The following CCDC102B variants were observed in gnomAD, a reference collection of about 807,000 sequenced individuals.
CCDC102B encodes coiled-coil domain-containing protein 102B.
A neutral mutation model predicts 57.4 loss-of-function variants in CCDC102B; 75 were observed. The observed-to-expected ratio is 1.31, with a 90% CI of 1.08 to 1.58. The LOEUF is 1.58. Ranked by LOEUF, CCDC102B falls within the 40% of genes most tolerant of loss-of-function variation. The pLI is 0.00. For missense variants in CCDC102B, 636 were observed against 582.6 expected, an observed-to-expected ratio of 1.09 and a Z score of -0.94; for synonymous variants, 206 against 201.9, an observed-to-expected ratio of 1.02 and a Z score of -0.17.
At chr18:69,017,101 A>T (rs2051690335) in intron 7 of CCDC102B, among the ~76,000 whole-genome samples, 1 of 151,842 alleles carries the variant, frequency 6.6e-6, no homozygotes, top group South Asian at 2.1e-4. Context: ...TTCTTTTTTA[A>T]TTAATTATTT....
chr18:68,962,628 C>T (rs2050073288), intron 6 of CCDC102B, among the ~76,000 whole-genome samples: 1 of 151,418 alleles, frequency 6.6e-6, no homozygotes. Context: ...TAGTAGCAAC[C>T]AAGAAAAGCA....
upstream of CCDC102B, among the ~76,000 whole-genome samples, chr18:68,793,589 ATATC>A (rs2035534366): frequency 8.0e-6 from 1 of 125,692 alleles, no homozygotes; most frequent in Non-Finnish European, 1.8e-5. Context: ...TGTTCATAGA[ATATC>A]CATCCATCCA....
rs147107858 is a variant in CCDC102B at position 68,849,470 on chromosome 18, T to A, written c.936+3049T>A. On this transcript the variant is annotated intron_variant, in intron 4 of 7. Transcript: ENST00000360242. ...GATCTCACATCATTCTTTCCATCCT[T>A]GCTACTTCCCCGGACAGGGCCACTA... Among the ~76,000 whole-genome samples the A allele has an allele frequency of 5.0e-4, 76 of 152,232 alleles. No individual in the cohort carries two copies. The East Asian group carries it at 0.014, about 29-fold the overall frequency.
chr18:68,896,637 A>G (rs981118498), intron 5 of CCDC102B, among the ~76,000 whole-genome samples: 2 of 152,130 alleles, frequency 1.3e-5, no homozygotes, highest in Admixed American at 6.6e-5. Flanking sequence ...ATTTTATATA[A>G]TTTAATGTTG....
At chr18:68,813,203 GTCTC>G (rs2036338628) in intron 1 of CCDC102B, among the ~76,000 whole-genome samples, 2 of 151,722 alleles carry the variant, frequency 1.3e-5, no homozygotes, top group South Asian at 4.2e-4. Context: ...CTCTCTCTCT[GTCTC>G]TCTCCTGTTT....
At chr18:68,830,629 G>C in intron 1 of CCDC102B, among the ~76,000 whole-genome samples, 1 of 150,960 alleles carries the variant, frequency 6.6e-6, no homozygotes, top group African/African-American at 2.4e-5. Context: ...ATATAATATT[G>C]TATATTATGT....
chr18:68,811,735 G>A (rs73458021), intron 1 of CCDC102B, among the ~76,000 whole-genome samples: 1 of 152,154 alleles, frequency 6.6e-6, no homozygotes, highest in Non-Finnish European at 1.5e-5. Context: ...AAGGAAGAAG[G>A]CTTTCTGGAA....
chr18:69,056,807 A>T (rs140347357), downstream of CCDC102B, among the ~76,000 whole-genome samples: 62 of 152,160 alleles, frequency 4.1e-4, no homozygotes, highest in African/African-American at 1.5e-3. Flanking sequence ...TTCTAAGTGT[A>T]CAGGTCAGTA....
chr18:68,901,490 CAAGAAGG>C (rs1300545641), intron 6 of CCDC102B, among the ~76,000 whole-genome samples: 3 of 151,802 alleles, frequency 2.0e-5, no homozygotes, highest in African/African-American at 7.3e-5. Flanking sequence ...GAAGGGGGGC[CAAGAAGG>C]AAAATGTGAC....
At chr18:68,933,842 A>C (rs117957665) in intron 6 of CCDC102B, among the ~76,000 whole-genome samples, 7,182 of 152,014 alleles carry the variant, frequency 0.047, 250 homozygotes, top group Middle Eastern at 0.095. Flanking sequence ...ACTAAAGAAC[A>C]TATACAAAAA....
chr18:69,011,000 C>CGA lies in CCDC102B; in HGVS notation c.1330_1331insGA (p.Leu444ArgfsTer2), dbSNP rs756931642. On this transcript the variant is annotated frameshift_variant, in exon 7 of 8. Transcript: ENST00000360242. LOFTEE classifies it high-confidence loss of function. ...ACAATACCAGGCAAATATTGCAGAA[C>CGA]TGACTCATGCAAACAACCGAGTGGA... 6.8e-6 allele frequency: 11 copies of CGA among 1,613,672 alleles called. No individual in the cohort carries two copies. The highest frequency in any genetic ancestry group is 5.0e-5 in the Admixed American group (3 of 60,000).
chr18:68,851,172 G>T (rs913843413), intron 4 of CCDC102B, among the ~76,000 whole-genome samples: 1 of 152,152 alleles, frequency 6.6e-6, no homozygotes, highest in Non-Finnish European at 1.5e-5. Flanking sequence ...AGCTATAAAT[G>T]CTTACCTTTC....
At chr18:68,877,877 GTTC>G (rs2039511642) in intron 5 of CCDC102B, among the ~76,000 whole-genome samples, 1 of 152,186 alleles carries the variant, frequency 6.6e-6, no homozygotes, top group African/African-American at 2.4e-5. Flanking sequence ...AGGTGGTGGA[GTTC>G]TTAACTTCAT....
At chr18:68,755,208 A>C (rs2034003662) in intron 2 of CCDC102B, among the ~76,000 whole-genome samples, 1 of 152,190 alleles carries the variant, frequency 6.6e-6, no homozygotes, top group African/African-American at 2.4e-5. Flanking sequence ...AGAGAGAAAT[A>C]GGCTTATGGG....
chr18:69,015,451 G>A (rs1300899669), intron 7 of CCDC102B, among the ~76,000 whole-genome samples: 1 of 152,132 alleles, frequency 6.6e-6, no homozygotes, highest in South Asian at 2.1e-4. Context: ...ATAGCTATCA[G>A]CATCTCCTCA....
At chr18:68,743,001 AT>A (rs1199929929) in intron 2 of CCDC102B, among the ~76,000 whole-genome samples, 2 of 151,998 alleles carry the variant, frequency 1.3e-5, no homozygotes, top group African/African-American at 4.8e-5. Flanking sequence ...TTAGGGCCAA[AT>A]TTTTAACTTA....
At chr18:69,025,892 T>A (rs928367569) in intron 7 of CCDC102B, among the ~76,000 whole-genome samples, 2 of 151,740 alleles carry the variant, frequency 1.3e-5, no homozygotes, top group African/African-American at 2.4e-5. Flanking sequence ...CATGCTGGGG[T>A]GGAGGTAAAT....
At chr18:68,969,733 A>T (rs2050254921) in intron 6 of CCDC102B, among the ~76,000 whole-genome samples, 1 of 152,016 alleles carries the variant, frequency 6.6e-6, no homozygotes, top group African/African-American at 2.4e-5. Flanking sequence ...AGTTTGACAT[A>T]AAATATTCTT....
intron 2 of CCDC102B, among the ~76,000 whole-genome samples, chr18:68,790,504 C>T (rs568340741): frequency 4.7e-4 from 71 of 152,126 alleles, no homozygotes; most frequent in African/African-American, 8.2e-4. Context: ...TAGGACCCTC[C>T]GAGCCAGGGC....
Sources: allele counts gnomAD v4.1 joint callset (sites outside exome capture counted in the v4.1 genomes callset), GRCh38; gene constraint gnomAD v4.1.1; transcripts MANE v1.5; gene names NCBI Gene and HGNC (gene_info 2026-07-23, HGNC 2026-07-21).